The following BIVM variants were observed in gnomAD, a reference collection of about 807,000 sequenced individuals.
BIVM encodes basic immunoglobulin-like variable motif-containing protein.
BIVM carries 31 observed loss-of-function variants against 61.4 expected under a neutral mutation model. That is an observed-to-expected ratio of 0.51 (90% confidence interval 0.38 to 0.68). The LOEUF is 0.68. Among genes scored for constraint, BIVM ranks in the 30% least tolerant of loss-of-function variants. The pLI is 0.00. For missense variants in BIVM, 526 were observed against 596.0 expected (o/e 0.88, Z 1.22); for synonymous variants, 189 against 210.7 (o/e 0.90, Z 0.89).
intron 3 of BIVM, among the ~76,000 whole-genome samples, chr13:102,815,097 C>T (rs1465739059): frequency 2.0e-5 from 3 of 152,030 alleles, no homozygotes; most frequent in Admixed American, 2.0e-4. Context: ...GAAGGCGAAA[C>T]ATTGTTTCTT....
At position 102,805,376 on chromosome 13, in the gene BIVM, C is replaced by A. The variant is rs1463876774; in HGVS notation, c.-137C>A. On this transcript the variant is annotated 5_prime_UTR_variant, in exon 2 of 11. Transcript: ENST00000257336. ...GAAGTTAGTGACACCTTGATTGGAT[C>A]CGTTTTTCTGTCAGGTGATGAATCT... The A allele has an allele frequency of 6.6e-6, 1 of 152,190 alleles. No individual in the cohort carries two copies. Among genetic ancestry groups the A allele is most frequent in the East Asian group, 1.9e-4 (1 of 5,204 alleles). 9.4% of individuals were successfully genotyped at this position (152,190 alleles called of 1,614,324 possible).
chr13:102,838,579 T>G (rs767665077), intron 9 of BIVM, 64 bp from the exon 10 acceptor site: 114 of 1,390,908 alleles, frequency 8.2e-5, no homozygotes, highest in Non-Finnish European at 1.7e-5. Flanking sequence ...TCATGAAAAA[T>G]TCCATTGCAA....
intron 3 of BIVM, 88 bp from the exon 4 acceptor site, chr13:102,816,340 C>T: frequency 7.8e-7 from 1 of 1,276,556 alleles, no homozygotes; most frequent in Non-Finnish European, 1.0e-6. Flanking sequence ...AAGGCAGTTA[C>T]TTCTTAATTT....
rs1879200127 is a variant in BIVM, at chr13:102,807,766, T to A, written c.478+21T>A. The A allele has an allele frequency of 1.9e-6, 3 of 1,575,190 alleles. No individual in the cohort carries two copies. In the East Asian group the frequency reaches 6.7e-5, roughly 35 times the overall value. On this transcript the variant is annotated intron_variant, in intron 3 of 10. Transcript: ENST00000257336. The surrounding 1 kb of genome is among the most constrained non-coding windows in gnomAD (Gnocchi z 4.0). ...ATCAGGTAAGGAGGGAGCCATGAAG[T>A]TCATATGTGAAAATAATGAGAAAAC...
At chr13:102,801,259 T>G (rs773772947) in intron 1 of BIVM, among the ~76,000 whole-genome samples, 4,132 of 151,576 alleles carry the variant, frequency 0.027, 68 homozygotes, top group Non-Finnish European at 0.032. Flanking sequence ...TTTTTTTTTT[T>G]TTTTTGAGAC....
intron 7 of BIVM, among the ~76,000 whole-genome samples, chr13:102,824,081 C>T (rs867372599): frequency 8.5e-5 from 13 of 152,132 alleles, no homozygotes; most frequent in African/African-American, 2.9e-4. Context: ...TGGTCATTCT[C>T]CAGTTATTAG....
chr13:102,816,255 A>C (rs1879860905), intron 3 of BIVM, among the ~76,000 whole-genome samples, 173 bp from the exon 4 acceptor site: 1 of 152,188 alleles, frequency 6.6e-6, no homozygotes, highest in Admixed American at 6.5e-5. Flanking sequence ...TGTGTTTGCA[A>C]ATATCACTTT....
chr13:102,812,809 G>A (rs1341702651), intron 3 of BIVM, among the ~76,000 whole-genome samples: 1 of 152,292 alleles, frequency 6.6e-6, no homozygotes, highest in East Asian at 1.9e-4. Flanking sequence ...GGAGGGGCTT[G>A]CAACATTGGA....
rs1266097600 is a variant in BIVM at position 102,807,799 on chromosome 13, A to T, written c.478+54A>T. On this transcript the variant is annotated intron_variant, in intron 3 of 10. Coordinates refer to ENST00000257336, the MANE Select transcript of BIVM (RefSeq NM_017693.4). This position sits in a 1 kb window ranked among gnomAD's most constrained non-coding sequence, Gnocchi z 4.0. ...TGAAAATAATGAGAAAACAAACACT[A>T]TGTCTTGTTTAATCTTGCCATTACA... is the stretch of plus-strand genomic sequence containing the variant. 6.6e-7 allele frequency: 1 copy of T among 1,510,762 alleles called. No individual in the cohort carries two copies. The highest frequency in any genetic ancestry group is 8.9e-7 in the Non-Finnish European group (1 of 1,122,366). 93.6% of individuals were successfully genotyped at this position (1,510,762 alleles called of 1,614,324 possible). A position where few individuals can be genotyped will look rare whatever the true frequency, so the allele number is the denominator to read the frequency against.
intron 9 of BIVM, among the ~76,000 whole-genome samples, chr13:102,837,095 T>G (rs895991760): frequency 1.3e-5 from 2 of 152,136 alleles, no homozygotes; most frequent in Non-Finnish European, 2.9e-5. Flanking sequence ...CTTGGCACTA[T>G]GGCGAAACCC....
intron 4 of BIVM, among the ~76,000 whole-genome samples, chr13:102,818,583 A>G (rs1280775311): frequency 3.3e-5 from 5 of 152,244 alleles, no homozygotes; most frequent in Non-Finnish European, 1.5e-5. Flanking sequence ...GTGTAACTAC[A>G]TATTAATAGT....
intron 3 of BIVM, among the ~76,000 whole-genome samples, chr13:102,812,702 C>T (rs950024227): frequency 6.6e-6 from 1 of 152,024 alleles, no homozygotes; most frequent in African/African-American, 2.4e-5. Flanking sequence ...TGTCTGGCTC[C>T]CCAAACAGAA....
rs370521805 is a variant in BIVM at position 102,826,413 on chromosome 13, C to T, written c.901+4254C>T. ...GCCAACTCATTGAATCTGAAGTTTT[C>T]AACTTTACATCTTAGCAGTGCCTTG... On this transcript the variant is annotated intron_variant, in intron 7 of 10. Coordinates refer to ENST00000257336, the MANE Select transcript of BIVM (RefSeq NM_017693.4). Among the ~76,000 whole-genome samples, 6 of 152,294 alleles carry T rather than the reference C, an allele frequency of 3.9e-5. No homozygotes were observed. In the East Asian group the frequency reaches 1.2e-3, roughly 29 times the overall value.
intron 9 of BIVM, among the ~76,000 whole-genome samples, chr13:102,836,677 T>G (rs1305025344): frequency 2.0e-5 from 3 of 152,200 alleles, no homozygotes; most frequent in Admixed American, 2.0e-4. Flanking sequence ...CCAGTGTTTA[T>G]CTAGTTATTC....
intron 7 of BIVM, among the ~76,000 whole-genome samples, chr13:102,827,867 G>A (rs935563367): frequency 2.0e-5 from 3 of 152,106 alleles, no homozygotes; most frequent in East Asian, 1.9e-4. Flanking sequence ...CGTCTCTTCC[G>A]TTCTCTCCCA....
At position 102,821,028 on chromosome 13, in the gene BIVM, TG is replaced by T. The variant is rs756968335; in HGVS notation, c.606-8del. The T allele has an allele frequency of 1.9e-6, 3 of 1,605,204 alleles. No homozygotes were observed. In the African/African-American group the frequency reaches 4.0e-5, roughly 22 times the overall value. On this transcript the variant is annotated splice_region_variant and splice_polypyrimidine_tract_variant and intron_variant, in intron 4 of 10. Transcript: ENST00000257336. ...TTCAAGTGAAGAAAACAGTCTTTTG[TG>T]TTCTCAGGTACTGCATAAGCCGACC...
chr13:102,800,588 G>A (rs1878692844), intron 1 of BIVM: 1 of 152,280 alleles, frequency 6.6e-6, no homozygotes, highest in Non-Finnish European at 1.5e-5. Context: ...CGGCGGCCTC[G>A]GAGCCCGGCC....
chr13:102,802,125 T>A (rs1878787393), intron 1 of BIVM, among the ~76,000 whole-genome samples: 1 of 152,202 alleles, frequency 6.6e-6, no homozygotes, highest in Non-Finnish European at 1.5e-5. Flanking sequence ...CAGGTCAGGT[T>A]AGAAGTGTCA....
chr13:102,830,330 G>A (rs1272763382), intron 7 of BIVM, among the ~76,000 whole-genome samples: 1 of 152,098 alleles, frequency 6.6e-6, no homozygotes, highest in Non-Finnish European at 1.5e-5. Context: ...CCAGAAAGTC[G>A]ATCACTGAAA....
Sources: allele counts gnomAD v4.1 joint callset (sites outside exome capture counted in the v4.1 genomes callset), GRCh38; gene constraint gnomAD v4.1.1; non-coding constraint Gnocchi (gnomAD v3.1); transcripts MANE v1.5; gene names NCBI Gene and HGNC (gene_info 2026-07-23, HGNC 2026-07-21).